The following GOSR1 variants were observed in gnomAD, a reference collection of about 807,000 sequenced individuals.
GOSR1 encodes 28 kDa Golgi SNARE protein.
In GOSR1, 21 loss-of-function variants were observed where a neutral mutation model predicts 35.5. That is an observed-to-expected ratio of 0.59 (90% CI 0.42 to 0.85). The LOEUF (loss-of-function observed/expected upper bound fraction) is 0.85. GOSR1 is among the 40% of genes least tolerant of loss of function. GOSR1 has a pLI of 0.00. For synonymous variants in GOSR1, 94 were observed against 106.6 expected, an observed-to-expected ratio of 0.88 and a Z score of 0.73; for missense variants, 285 against 309.6, an observed-to-expected ratio of 0.92 and a Z score of 0.60.
At chr17:30,516,507 G>A (rs1393374742) in intron 7 of GOSR1, among the ~76,000 whole-genome samples, 1 of 151,132 alleles carries the variant, frequency 6.6e-6, no homozygotes, top group Admixed American at 6.6e-5. Flanking sequence ...CAGTCTCCTG[G>A]TAGTACCCCT....
intron 6 of GOSR1, among the ~76,000 whole-genome samples, chr17:30,508,771 C>A (rs1967502618): frequency 6.6e-6 from 1 of 152,188 alleles, no homozygotes. Flanking sequence ...CTGATCCAAT[C>A]ACTATACAAA....
chr17:30,488,533 ATTT>A (rs72485527), intron 4 of GOSR1, among the ~76,000 whole-genome samples: 2 of 131,394 alleles, frequency 1.5e-5, no homozygotes, highest in African/African-American at 2.8e-5. Flanking sequence ...TATTGGCAGT[ATTT>A]TTTTTTTTTT....
At chr17:30,481,016 C>T (rs934694442) in intron 1 of GOSR1, 127 bp from the exon 2 acceptor site, 4 of 663,942 alleles carry the variant, frequency 6.0e-6, no homozygotes, top group Non-Finnish European at 1.1e-5. Context: ...CCAGCCAACA[C>T]TTTTCTTTAT....
At chr17:30,507,786 A>G (rs1967460323) in intron 6 of GOSR1, among the ~76,000 whole-genome samples, 1 of 152,014 alleles carries the variant, frequency 6.6e-6, no homozygotes, top group East Asian at 1.9e-4. Context: ...TTGTGCGGCA[A>G]TCTTATCTCA....
At chr17:30,497,538 G>T (rs1967044890) in intron 6 of GOSR1, among the ~76,000 whole-genome samples, 1 of 152,190 alleles carries the variant, frequency 6.6e-6, no homozygotes, top group South Asian at 2.1e-4. Flanking sequence ...GATGAGAGAG[G>T]ATGTATGTAA....
chr17:30,513,006 C>G (rs1006589514), intron 7 of GOSR1, among the ~76,000 whole-genome samples: 1 of 151,872 alleles, frequency 6.6e-6, no homozygotes. Context: ...AGTATTTTCC[C>G]TTGTTTCAAA....
rs529332425 is a variant in GOSR1 at position 30,495,658 on chromosome 17, T to C, written c.509+2905T>C. ...CTCCTTCCAAGCCTCTGCAGTCTCA[T>C]GAGTTTGTCTGTATTTTTCTTCTTA... On this transcript the variant is annotated intron_variant, in intron 6 of 8. Coordinates refer to ENST00000451249, the MANE Select transcript of GOSR1 (RefSeq NM_001007025.2). The C allele has an allele frequency of 1.4e-3, 410 of 284,014 alleles. 1 individual carries two copies. The highest frequency in any genetic ancestry group is 8.6e-3 in the African/African-American group (389 of 45,388). The allele number at this position is 284,014 out of a possible 1,614,324, so 17.6% of individuals were successfully genotyped here. A position where few individuals can be genotyped will look rare whatever the true frequency, so the allele number is the denominator to read the frequency against.
At chr17:30,507,259 T>C (rs781019329) in intron 6 of GOSR1, among the ~76,000 whole-genome samples, 5 of 152,242 alleles carry the variant, frequency 3.3e-5, no homozygotes, top group African/African-American at 9.6e-5. Flanking sequence ...GTCCCCATTC[T>C]AGATGCCATT....
intron 7 of GOSR1, among the ~76,000 whole-genome samples, chr17:30,513,155 T>A (rs1239756509): frequency 1.3e-5 from 2 of 152,220 alleles, no homozygotes; most frequent in African/African-American, 2.4e-5. Context: ...TAGAGATACA[T>A]TTTAAAACTA....
chr17:30,495,021 C>T (rs949006957), intron 6 of GOSR1, among the ~76,000 whole-genome samples: 38 of 150,780 alleles, frequency 2.5e-4, no homozygotes, highest in African/African-American at 8.8e-4. Context: ...AAACCCATCT[C>T]TACTAAAAAT....
At chr17:30,500,246 C>T (rs772684467) in intron 6 of GOSR1, among the ~76,000 whole-genome samples, 10 of 152,104 alleles carry the variant, frequency 6.6e-5, no homozygotes, top group Non-Finnish European at 1.5e-4. Flanking sequence ...GAAATCTTGG[C>T]TATCCTAAGG....
rs111636290 is a variant in GOSR1, at chr17:30,521,168, T to C, written c.623-1086T>C. On this transcript the variant is annotated intron_variant, in intron 8 of 8. Coordinates refer to ENST00000451249, the MANE Select transcript of GOSR1 (RefSeq NM_001007025.2). ...ATCTCTCCCATAAGTTCTCTCTCTC[T>C]TTTTTTTTTTTTTTTTTTTTTTTTT... is the stretch of plus-strand genomic sequence containing the variant. Among the ~76,000 whole-genome samples the C allele has an allele frequency of 1.9e-4, 9 of 47,404 alleles. No homozygotes were observed. The African/African-American group carries it at 2.0e-3, about 11-fold the overall frequency. 31.1% of individuals were successfully genotyped at this position (47,404 alleles called of 152,430 possible).
intron 4 of GOSR1, among the ~76,000 whole-genome samples, chr17:30,488,562 CTCG>C (rs1914830748): frequency 7.1e-6 from 1 of 140,988 alleles, no homozygotes; most frequent in African/African-American, 2.7e-5. Flanking sequence ...GAAACAGAGT[CTCG>C]CTCTGTTGCC....
chr17:30,477,763 A>G, intron 1 of GOSR1: 1 of 985,110 alleles, frequency 1.0e-6, no homozygotes, highest in Non-Finnish European at 1.2e-6. Flanking sequence ...TTGAGGGAGT[A>G]ATGGAACTCG....
intron 6 of GOSR1, among the ~76,000 whole-genome samples, chr17:30,510,184 G>A (rs1272088435): frequency 2.6e-5 from 4 of 151,986 alleles, no homozygotes; most frequent in Non-Finnish European, 2.9e-5. Flanking sequence ...AGCAGTTCTC[G>A]TGCCTCAGCC....
intron 6 of GOSR1, among the ~76,000 whole-genome samples, chr17:30,497,412 T>C (rs1025449219): frequency 1.1e-4 from 16 of 152,230 alleles, no homozygotes; most frequent in African/African-American, 3.9e-4. Context: ...CAGAGAGTCC[T>C]GGGTTCAAAT....
intron 6 of GOSR1, among the ~76,000 whole-genome samples, chr17:30,507,205 C>T (rs1967431622): frequency 6.6e-6 from 1 of 152,170 alleles, no homozygotes; most frequent in South Asian, 2.1e-4. Flanking sequence ...AGTTATTCTT[C>T]TGATGGATCT....
intron 1 of GOSR1, chr17:30,478,645 C>T (rs1194603926): frequency 6.6e-6 from 1 of 151,850 alleles, no homozygotes; most frequent in Non-Finnish European, 1.5e-5. Context: ...CAGCCTCCGC[C>T]TCCTGCGTTC....
chr17:30,484,399 T>C, intron 3 of GOSR1, 98 bp downstream of exon 3: 1 of 798,342 alleles, frequency 1.3e-6, no homozygotes, highest in Non-Finnish European at 2.3e-6. Context: ...ATTGAAATTA[T>C]CCATTCCATT....
Sources: gnomAD v4.1 joint callset for allele counts (sites outside exome capture counted in the v4.1 genomes callset) on GRCh38, gnomAD v4.1.1 for gene constraint, MANE v1.5 for transcripts, NCBI Gene and HGNC (gene_info 2026-07-23, HGNC 2026-07-21) for gene names.